POMP: variants seen among roughly 807,000 people sequenced by gnomAD.
POMP encodes proteasome maturation protein, also known as 2510048O06Rik.
POMP carries 12 observed loss-of-function variants against 20.6 expected under a neutral mutation model. That is an observed-to-expected ratio of 0.58 (90% CI 0.37 to 0.94). POMP has a LOEUF of 0.94. Ranked by LOEUF, POMP falls within the 40% of genes least tolerant of loss-of-function variation. The probability of loss-of-function intolerance (pLI) is 0.01; values close to 1 mark genes in which losing one functional copy is unlikely to be tolerated. For missense variants in POMP, 136 were observed against 161.1 expected (o/e 0.84, Z 0.84); for synonymous variants, 53 against 55.0 (o/e 0.96, Z 0.16).
intron 4 of POMP, 114 bp from the exon 5 acceptor site, chr13:28,672,225 A>G (rs1016580192): frequency 3.7e-6 from 3 of 820,008 alleles, no homozygotes; most frequent in African/African-American, 3.4e-5. Context: ...TTGATCTTGT[A>G]TTTGGTTTTG....
intron 5 of POMP, among the ~76,000 whole-genome samples, chr13:28,674,338 G>C (rs540800257): frequency 6.6e-6 from 1 of 152,208 alleles, no homozygotes; most frequent in African/African-American, 2.4e-5. Flanking sequence ...CATTGAGTGT[G>C]TTACGTTAGA....
chr13:28,664,442 T>C, intron 2 of POMP, 67 bp from the exon 3 acceptor site: 1 of 1,073,136 alleles, frequency 9.3e-7, no homozygotes. Flanking sequence ...ATAGATATGA[T>C]TTTGAGCTCT....
At position 28,664,036 on chromosome 13, in the gene POMP, C is replaced by T. The variant is rs766136276; in HGVS notation, c.102-473C>T. On this transcript the variant is annotated intron_variant, in intron 2 of 5. Coordinates refer to ENST00000380842, the MANE Select transcript of POMP (RefSeq NM_015932.6). ...TTCTAGTTGTGCCTTACCTAACATA[C>T]TTTATACATAGTAGGTGTTCAGTAA... Among the ~76,000 whole-genome samples, 8 of 152,112 alleles carry T rather than the reference C, an allele frequency of 5.3e-5. No homozygotes were observed. The South Asian group carries it at 1.0e-3, about 20-fold the overall frequency.
At chr13:28,672,665 G>A (rs1369500195) in intron 5 of POMP, among the ~76,000 whole-genome samples, 1 of 152,128 alleles carries the variant, frequency 6.6e-6, no homozygotes, top group East Asian at 1.9e-4. Context: ...GGGAGGCCGG[G>A]GTGGGCAGAT....
intron 5 of POMP, among the ~76,000 whole-genome samples, chr13:28,677,457 T>C (rs1792069): frequency 0.3 from 45,526 of 152,128 alleles, 10,262 homozygotes; most frequent in African/African-American, 0.62. Flanking sequence ...AGGAAGCTTA[T>C]GCTTGGTATT....
At chr13:28,673,541 C>T (rs1884585781) in intron 5 of POMP, among the ~76,000 whole-genome samples, 1 of 152,176 alleles carries the variant, frequency 6.6e-6, no homozygotes. Flanking sequence ...ACAAAAATAT[C>T]CAACAGGATT....
intron 5 of POMP, 56 bp downstream of exon 5, chr13:28,672,488 C>A: frequency 7.4e-7 from 1 of 1,358,692 alleles, no homozygotes; most frequent in Non-Finnish European, 1.1e-6. Context: ...AGGCAAACAG[C>A]TGCAAAAAGA....
chr13:28,669,255 G>C (rs1884500737), intron 4 of POMP, among the ~76,000 whole-genome samples: 1 of 152,056 alleles, frequency 6.6e-6, no homozygotes. Flanking sequence ...TGTCTCCCAT[G>C]ACACCAATGA....
intron 3 of POMP, among the ~76,000 whole-genome samples, chr13:28,667,382 C>G (rs192470493): frequency 9.9e-5 from 15 of 152,236 alleles, no homozygotes; most frequent in African/African-American, 3.4e-4. Flanking sequence ...AGCCACATAG[C>G]AAGACCCGTC....
rs1884662064 is a variant in POMP at position 28,678,258 on chromosome 13, C to T, written c.*156C>T. ...AAAATTTGGAGGGGTCTTTGGTTTA[C>T]AGCCATGTGACAATTAAAAGCACTA... On this transcript the variant is annotated 3_prime_UTR_variant, in exon 6 of 6. Coordinates refer to ENST00000380842, the MANE Select transcript of POMP (RefSeq NM_015932.6). 5.5e-6 allele frequency: 4 copies of T among 722,302 alleles called. No homozygotes were observed. The highest frequency in any genetic ancestry group is 3.0e-5 in the South Asian group (2 of 66,202). The allele number at this position is 722,302 out of a possible 1,614,324, so 44.7% of individuals were successfully genotyped here. A position where few individuals can be genotyped will look rare whatever the true frequency, so the allele number is the denominator to read the frequency against.
Position 28,668,509 on chromosome 13 carries a change from C to G in POMP, c.199C>G (p.Leu67Val). The stretch of plus-strand genomic sequence containing the variant: ...CCAAGATAAAATGAATTTTTCCACA[C>G]TGAGAAACATTCAGGGTCTATTTGC... ...LNQDKMNFST[L>V]RNIQGLFAPL... is the part of the protein sequence containing the mutation. Residue 67 changes from leucine to valine, a missense_variant, in exon 4 of 6, where the codon CTG (leucine) becomes GTG (valine). Physicochemically the swap from Leu to Val is conservative, Grantham distance 32. Transcript: ENST00000380842. The G allele has an allele frequency of 6.2e-7, 1 of 1,612,520 alleles. No homozygotes were observed. The highest frequency in any genetic ancestry group is 8.5e-7 in the Non-Finnish European group (1 of 1,178,622).
Position 28,662,492 on chromosome 13 carries a change from ATCT to A in POMP, c.92_94del (p.Leu31del), listed in dbSNP as rs755011777. On this transcript the variant is annotated inframe_deletion, in exon 2 of 6. Coordinates refer to ENST00000380842, the MANE Select transcript of POMP (RefSeq NM_015932.6). The stretch of plus-strand genomic sequence containing the variant: ...GCAAGTGGACCTTTTGAAAGTCATG[ATCT>A]TCTTCGGAAAGGGTATATGGGGGAG... 7.4e-6 allele frequency: 12 copies of A among 1,611,866 alleles called. No homozygotes were observed. The African/African-American group carries it at 1.2e-4, about 16-fold the overall frequency.
intron 1 of POMP, among the ~76,000 whole-genome samples, chr13:28,660,660 T>C (rs1331934772): frequency 6.6e-6 from 1 of 152,178 alleles, no homozygotes; most frequent in Admixed American, 6.5e-5. Context: ...TTGCTGGCAG[T>C]CACAAAGTAG....
chr13:28,662,382 T>G, intron 1 of POMP, 28 bp from the exon 2 acceptor site: 1 of 1,555,906 alleles, frequency 6.4e-7, no homozygotes, highest in Non-Finnish European at 8.9e-7. Context: ...TTTTTTCTAT[T>G]TAATAATGTT....
chr13:28,671,621 C>G (rs1438612628), intron 4 of POMP, among the ~76,000 whole-genome samples: 1 of 151,572 alleles, frequency 6.6e-6, no homozygotes, highest in Non-Finnish European at 1.5e-5. Context: ...GTTTCTTCCT[C>G]TTCCTCCCAC....
rs755643525 is a variant in POMP, at chr13:28,668,483, A to G, written c.173A>G (p.Asn58Ser). The G allele has an allele frequency of 5.0e-6, 8 of 1,606,396 alleles. No individual in the cohort carries two copies. The highest frequency in any genetic ancestry group is 1.3e-5 in the African/African-American group (1 of 74,730). ...LELSEKNFQLNQDKMNFSTLR... is the reference protein window; with the variant it reads ...LELSEKNFQLSQDKMNFSTLR... ...CATTGTCTTTTGTAGTTCCAGCTCAACCAAGATAAAATGAATTTTTCCACA... is the reference window on the plus strand; with the variant it reads ...CATTGTCTTTTGTAGTTCCAGCTCAGCCAAGATAAAATGAATTTTTCCACA... Residue 58 changes from asparagine (N) to serine (S), a missense_variant, in exon 4 of 6, where the codon AAC becomes AGC. By Grantham distance (46) the Asn-to-Ser change is conservative (BLOSUM62 1). Coordinates refer to ENST00000380842, the MANE Select transcript of POMP (RefSeq NM_015932.6).
intron 1 of POMP, 118 bp downstream of exon 1, chr13:28,659,305 G>A: frequency 6.7e-7 from 1 of 1,490,846 alleles, no homozygotes; most frequent in Non-Finnish European, 9.1e-7. Context: ...GCGTGGGGCT[G>A]AGGCCGGCCT....
intron 1 of POMP, among the ~76,000 whole-genome samples, chr13:28,661,192 C>G (rs1202618193): frequency 6.6e-6 from 1 of 152,206 alleles, no homozygotes; most frequent in East Asian, 1.9e-4. Context: ...GCCGTGCATG[C>G]TGGCTGACAC....
At chr13:28,673,917 C>T (rs959649665) in intron 5 of POMP, among the ~76,000 whole-genome samples, 3 of 152,078 alleles carry the variant, frequency 2.0e-5, no homozygotes, top group African/African-American at 7.2e-5. Context: ...GGGAGATAAA[C>T]ACATAAACAC....
Sources: allele counts gnomAD v4.1 joint callset (sites outside exome capture counted in the v4.1 genomes callset), GRCh38; gene constraint gnomAD v4.1.1; transcripts MANE v1.5; gene names NCBI Gene and HGNC (gene_info 2026-07-23, HGNC 2026-07-21).